The following USP6 variants were observed in gnomAD, a reference collection of about 807,000 sequenced individuals.
USP6 encodes the protein ubiquitin carboxyl-terminal hydrolase 6.
Under a neutral mutation model 175.7 loss-of-function variants are expected in USP6, and 128 were observed. That is an observed-to-expected ratio of 0.73 (90% CI 0.63 to 0.84). The LOEUF is 0.84. Among genes scored for constraint, USP6 ranks in the 40% least tolerant of loss-of-function variants. The pLI is 0.00. For synonymous variants in USP6, 562 were observed against 630.6 expected (o/e 0.89, Z 1.63); for missense variants, 1,498 against 1,760.3 (o/e 0.85, Z 2.67).
At chr17:5,146,993 T>C in intron 28 of USP6, 90 bp from the exon 29 acceptor site, 1 of 1,316,016 alleles carries the variant, frequency 7.6e-7, no homozygotes, top group Non-Finnish European at 1.0e-6. Flanking sequence ...TGAAAGGACC[T>C]AAGACATTCT....
chr17:5,128,809 G>T (rs554200452), intron 7 of USP6, 143 bp from the exon 8 acceptor site: 1 of 152,716 alleles, frequency 6.5e-6, no homozygotes, highest in Non-Finnish European at 1.5e-5. Context: ...TCCAGACTGC[G>T]TCTGTGTTCT....
intron 34 of USP6, among the ~76,000 whole-genome samples, chr17:5,168,505 C>G (rs955311714): frequency 6.6e-6 from 1 of 152,184 alleles, no homozygotes. Context: ...CAACTGAGCC[C>G]GGGGGCAATA....
intron 30 of USP6, among the ~76,000 whole-genome samples, chr17:5,153,858 A>T (rs1405299219): frequency 1.3e-5 from 2 of 151,872 alleles, no homozygotes; most frequent in Non-Finnish European, 2.9e-5. Context: ...GTTTCACCGT[A>T]TTGGCCAGGC....
intron 30 of USP6, among the ~76,000 whole-genome samples, chr17:5,150,124 T>C (rs1300036998): frequency 1.3e-5 from 2 of 151,894 alleles, no homozygotes; most frequent in Non-Finnish European, 2.9e-5. Context: ...AAACCCCGTC[T>C]CTATTAAAAA....
chr17:5,145,273 T>C (rs1191032295), intron 26 of USP6, 132 bp from the exon 27 acceptor site: 1 of 1,150,040 alleles, frequency 8.7e-7, no homozygotes, highest in East Asian at 2.8e-5. Flanking sequence ...TTTAATATTT[T>C]ATGTTAAATG....
chr17:5,133,259 A>G (rs1390192167), intron 13 of USP6, among the ~76,000 whole-genome samples, 184 bp from the exon 14 acceptor site: 6 of 152,126 alleles, frequency 3.9e-5, no homozygotes, highest in Non-Finnish European at 7.4e-5. Flanking sequence ...GGTTCGGATC[A>G]GAGTTTAGAC....
chr17:5,153,635 C>G (rs117505302), intron 30 of USP6, among the ~76,000 whole-genome samples: 1 of 151,306 alleles, frequency 6.6e-6, no homozygotes, highest in Non-Finnish European at 1.5e-5. Flanking sequence ...GAATTAGTAG[C>G]CGTTGGCTTA....
chr17:5,133,556 C>T lies in USP6; in HGVS notation c.384+6C>T. 3 of 1,603,018 alleles carry T rather than the reference C, an allele frequency of 1.9e-6. No individual in the cohort carries two copies. Among genetic ancestry groups the T allele is most frequent in the Non-Finnish European group, 2.6e-6 (3 of 1,172,956 alleles). ...AAAACCCCGGAAGATACCAGGTATG[C>T]TCAGCCAGAGCACAACAAACAGGAC... On this transcript the variant is annotated splice_donor_region_variant and intron_variant, in intron 14 of 37. Transcript: ENST00000574788.
In USP6 at chr17:5,120,652, T is replaced by C; in HGVS notation, c.-1811T>C. 5.1e-6 allele frequency: 2 copies of C among 388,814 alleles called. No homozygotes were observed. Among genetic ancestry groups the C allele is most frequent in the Non-Finnish European group, 1.0e-5 (2 of 199,014 alleles). 24.1% of individuals were successfully genotyped at this position (388,814 alleles called of 1,614,324 possible). A position where few individuals can be genotyped will look rare whatever the true frequency, so the allele number is the denominator to read the frequency against. On this transcript the variant is annotated 5_prime_UTR_variant, in exon 3 of 38. Transcript: ENST00000574788. The stretch of plus-strand genomic sequence containing the variant: ...GAAATGAAGGCCCTTTGAGGTCAGG[T>C]GGATGAGGATGTCAGTGTGAAGATG...
At chr17:5,128,057 A>G (rs1406602275) in intron 7 of USP6, among the ~76,000 whole-genome samples, 2 of 152,166 alleles carry the variant, frequency 1.3e-5, no homozygotes, top group East Asian at 3.9e-4. Context: ...GGGACCCTGC[A>G]CTGGGCATCT....
At chr17:5,166,686 T>C (rs186768990) in intron 33 of USP6, among the ~76,000 whole-genome samples, 2 of 152,176 alleles carry the variant, frequency 1.3e-5, no homozygotes, top group Non-Finnish European at 2.9e-5. Context: ...TTCACCCACC[T>C]TCCCATACAT....
Position 5,132,280 on chromosome 17 carries a change from G to T in USP6, c.156-116G>T. 6.2e-7 allele frequency: 1 copy of T among 1,608,694 alleles called. No homozygotes were observed. Among genetic ancestry groups the T allele is most frequent in the Non-Finnish European group, 8.5e-7 (1 of 1,177,522 alleles). On this transcript the variant is annotated intron_variant, in intron 11 of 37. Transcript: ENST00000574788. This position sits in a 1 kb window ranked among gnomAD's most constrained non-coding sequence, Gnocchi z 4.7. ...TCCTCCCTTCCCTGTGCCTTCTCCC[G>T]GGCTGAGCCCTGAGCTGGATAGGGA...
Position 5,133,460 on chromosome 17 carries a change from C to A in USP6, c.294C>A (p.Tyr98Ter), listed in dbSNP as rs749867365. ...GCCCACAGCTCATAGATCGAGTGTA[C>A]AAGGGAATTCCCATGAACATCCGGG... ...KHSSKLIDRV[Y>*]KGIPMNIRGP... Residue 98 changes from tyrosine (Y) to a stop codon, truncating the protein, a stop_gained, in exon 14 of 38, where the codon TAC becomes TAA. Transcript: ENST00000574788. LOFTEE classifies it high-confidence loss of function. The A allele has an allele frequency of 6.2e-7, 1 of 1,611,534 alleles. No individual in the cohort carries two copies. The highest frequency in any genetic ancestry group is 1.3e-5 in the African/African-American group (1 of 74,854).
At position 5,161,554 on chromosome 17, in the gene USP6, C is replaced by T; in HGVS notation, c.2855C>T (p.Pro952Leu). The change falls in exon 32 of 38, where the codon CCA becomes CTA. Residue 952 changes from proline to leucine, a missense_variant. By Grantham distance (98) the Pro-to-Leu change is moderately conservative. Around this residue, in one of 2 missense-constraint regions of USP6, gnomAD observed 1,217 missense variants for 1,500.8 expected, o/e 0.81. Coordinates refer to ENST00000574788, the MANE Select transcript of USP6 (RefSeq NM_001304284.2). ...GATAACTGTATGGGCTATCAATATC[C>T]ATTCACTCTACGAGTTGTGCAGAAA... ...DRDNCMGYQY[P>L]FTLRVVQKDG... The T allele has an allele frequency of 1.2e-6, 2 of 1,614,004 alleles. No individual in the cohort carries two copies. The highest frequency in any genetic ancestry group is 1.7e-6 in the Non-Finnish European group (2 of 1,179,896).
chr17:5,166,472 G>T (rs1598097221), intron 33 of USP6, among the ~76,000 whole-genome samples: 3 of 152,108 alleles, frequency 2.0e-5, no homozygotes, highest in South Asian at 4.1e-4. Context: ...GCAGCCTAAG[G>T]TTCCCATCAT....
At position 5,173,829 on chromosome 17, in the gene USP6, T is replaced by C. The variant is rs1420028653; in HGVS notation, c.*851T>C. The C allele has an allele frequency of 1.8e-5, 4 of 222,760 alleles. No individual in the cohort carries two copies. The highest frequency in any genetic ancestry group is 1.7e-4 in the Admixed American group (3 of 17,406). The allele number at this position is 222,760 out of a possible 1,614,324, so 13.8% of individuals were successfully genotyped here. A position where few individuals can be genotyped will look rare whatever the true frequency, so the allele number is the denominator to read the frequency against. On this transcript the variant is annotated 3_prime_UTR_variant, in exon 38 of 38. Coordinates refer to ENST00000574788, the MANE Select transcript of USP6 (RefSeq NM_001304284.2). The stretch of plus-strand genomic sequence containing the variant: ...TGCCAATATTTGCACCATCTTCACA[T>C]GCACATGTTGCAACAAGAGCTTCTG...
chr17:5,174,360 C>T lies in USP6; in HGVS notation c.*1382C>T, dbSNP rs772525698. On this transcript the variant is annotated 3_prime_UTR_variant, in exon 38 of 38. Transcript: ENST00000574788. Reference sequence around the variant, plus strand: ...TCATTGCCAGATTCCATTACCCTTTCTTCCTCATAGGTAGTAATTACCAAT... The same window carrying T: ...TCATTGCCAGATTCCATTACCCTTTTTTCCTCATAGGTAGTAATTACCAAT... 2 of 190,828 alleles carry T rather than the reference C, an allele frequency of 1.0e-5. No individual in the cohort carries two copies. The highest frequency in any genetic ancestry group is 2.3e-5 in the African/African-American group (1 of 42,940). The allele number at this position is 190,828 out of a possible 1,614,324, so 11.8% of individuals were successfully genotyped here.
At chr17:5,161,371 C>T (rs1434165607) in intron 31 of USP6, among the ~76,000 whole-genome samples, 157 bp from the exon 32 acceptor site, 2 of 152,194 alleles carry the variant, frequency 1.3e-5, no homozygotes, top group Non-Finnish European at 2.9e-5. Flanking sequence ...TACTGGGCTG[C>T]AGCTAATGGA....
At chr17:5,157,897 A>G (rs1326846725) in intron 31 of USP6, among the ~76,000 whole-genome samples, 1 of 150,074 alleles carries the variant, frequency 6.7e-6, no homozygotes, top group Non-Finnish European at 1.5e-5. Context: ...AAGTGGTGGA[A>G]TTACAGGCGT....
Sources: allele counts gnomAD v4.1 joint callset (sites outside exome capture counted in the v4.1 genomes callset), GRCh38; gene constraint gnomAD v4.1.1; regional missense constraint gnomAD v4.1.1; non-coding constraint Gnocchi (gnomAD v3.1); transcripts MANE v1.5; gene names NCBI Gene and HGNC (gene_info 2026-07-23, HGNC 2026-07-21).